The following ZNF507 variants were observed in gnomAD, a reference collection of about 807,000 sequenced individuals.
ZNF507 encodes the protein zinc finger protein 507.
ZNF507 carries 29 observed loss-of-function variants against 80.0 expected under a neutral mutation model. The observed-to-expected ratio is 0.36, with a 90% confidence interval of 0.27 to 0.49. The LOEUF is 0.49. ZNF507 is among the 20% of genes least tolerant of loss of function. The pLI is 0.98. For synonymous variants in ZNF507, 462 were observed against 422.5 expected (o/e 1.09, Z -1.15); for missense variants, 1,081 against 1,152.2 (o/e 0.94, Z 0.90).
intron 5 of ZNF507, among the ~76,000 whole-genome samples, chr19:32,363,412 C>A (rs1967356270): frequency 3.3e-5 from 5 of 152,140 alleles, no homozygotes; most frequent in Admixed American, 2.6e-4. Flanking sequence ...CTGTTCCTTT[C>A]TCGTGCTTTT....
rs774273067 is a variant in ZNF507 at position 32,353,505 on chromosome 19, T to C, written c.675T>C (p.Thr225=). 6 of 1,614,230 alleles carry C rather than the reference T, an allele frequency of 3.7e-6. No individual in the cohort carries two copies. Among genetic ancestry groups the C allele is most frequent in the Admixed American group, 1.7e-5 (1 of 60,032 alleles). The change falls in exon 3 of 7, where the codon ACT becomes ACC. Residue 225 remains threonine (T), a synonymous_variant. Transcript: ENST00000355898. The part of the protein sequence containing the change: ...PVSVDNLQTH[T]VQTASVAEMG... The stretch of plus-strand genomic sequence containing the variant: ...GTGTGGACAATCTACAGACTCATAC[T>C]GTCCAAACTGCATCTGTGGCAGAAA...
intron 5 of ZNF507, among the ~76,000 whole-genome samples, chr19:32,366,678 C>T (rs1418892545): frequency 1.3e-5 from 2 of 152,176 alleles, no homozygotes; most frequent in Non-Finnish European, 2.9e-5. Flanking sequence ...CATTCTTTTA[C>T]ATGTTTTTGG....
chr19:32,354,111 C>A lies in ZNF507; in HGVS notation c.1281C>A (p.Ser427Arg), dbSNP rs1457256672. 3 of 1,613,454 alleles carry A rather than the reference C, an allele frequency of 1.9e-6. No individual in the cohort carries two copies. Among genetic ancestry groups the A allele is most frequent in the Non-Finnish European group, 2.5e-6 (3 of 1,180,022 alleles). The change falls in exon 3 of 7, where the codon AGC (serine) becomes AGA (arginine). Residue 427 changes from serine (S) to arginine (R), a missense_variant. Around this residue, in one of 6 missense-constraint regions of ZNF507, gnomAD observed 614 missense variants for 583.9 expected, o/e 1.05. Transcript: ENST00000355898. ...NTEMEEGKDL[S>R]LTEAQIGREG... is the part of the protein sequence containing the mutation. ...AAATGGAAGAAGGGAAGGACCTGAG[C>A]CTGACAGAAGCTCAGATTGGGCGCG...
At chr19:32,345,805 C>A in intron 1 of ZNF507, 22 bp downstream of exon 1, 1 of 154,128 alleles carries the variant, frequency 6.5e-6, no homozygotes, top group South Asian at 1.9e-4. Context: ...CGGGGCCGCC[C>A]CTCCGCCCGC....
chr19:32,354,697 A>G lies in ZNF507; in HGVS notation c.1867A>G (p.Thr623Ala). 6.2e-7 allele frequency: 1 copy of G among 1,614,222 alleles called. No individual in the cohort carries two copies. The highest frequency in any genetic ancestry group is 8.5e-7 in the Non-Finnish European group (1 of 1,180,026). The change falls in exon 3 of 7, where the codon ACA (threonine) becomes GCA (alanine). Residue 623 changes from threonine to alanine, a missense_variant. By Grantham distance (58) the Thr-to-Ala change is moderately conservative. Transcript: ENST00000355898. ...DNAQCQPNSD[T>A]SLSGNNVVEY... ...CGCCCAGTGCCAACCCAACAGCGAT[A>G]CAAGTTTGTCCGGAAACAATGTGGT... is the stretch of plus-strand genomic sequence containing the variant.
chr19:32,350,707 G>T (rs895187717), intron 2 of ZNF507, among the ~76,000 whole-genome samples: 46 of 152,184 alleles, frequency 3.0e-4, no homozygotes, highest in Non-Finnish European at 6.2e-4. Context: ...CAGATGATCA[G>T]TCAGCCTACA....
chr19:32,382,911 C>T lies in ZNF507; in HGVS notation c.2690C>T (p.Ser897Phe), dbSNP rs144208852. Reference sequence around the variant, plus strand: ...ACCTCATATAGTTTAGAAAAAATCTCCAGTCTGGCCCCTCCTAGCATGGAG... The same window carrying T: ...ACCTCATATAGTTTAGAAAAAATCTTCAGTCTGGCCCCTCCTAGCATGGAG... ...SNTSYSLEKISSLAPPSMEYC... is the reference protein window; with the variant it reads ...SNTSYSLEKIFSLAPPSMEYC... Residue 897 changes from serine to phenylalanine, a missense_variant, in exon 7 of 7, where the codon TCC becomes TTC. Coordinates refer to ENST00000355898, the MANE Select transcript of ZNF507 (RefSeq NM_001136156.2). 6 of 1,613,976 alleles carry T rather than the reference C, an allele frequency of 3.7e-6. No homozygotes were observed. The highest frequency in any genetic ancestry group is 5.1e-6 in the Non-Finnish European group (6 of 1,180,024).
At chr19:32,364,320 CT>C (rs539979349) in intron 5 of ZNF507, among the ~76,000 whole-genome samples, 68 of 151,566 alleles carry the variant, frequency 4.5e-4, no homozygotes, top group Admixed American at 2.0e-3. Flanking sequence ...CCTGACATTT[CT>C]TTTTTTTTCT....
Position 32,386,409 on chromosome 19 carries a change from T to G in ZNF507, c.*3326T>G, listed in dbSNP as rs746868945. 3 of 152,626 alleles carry G rather than the reference T, an allele frequency of 2.0e-5. No individual in the cohort carries two copies. Among genetic ancestry groups the G allele is most frequent in the Non-Finnish European group, 2.9e-5 (2 of 68,046 alleles). The allele number at this position is 152,626 out of a possible 1,614,324, so 9.5% of individuals were successfully genotyped here. On this transcript the variant is annotated 3_prime_UTR_variant, in exon 7 of 7. Transcript: ENST00000355898. ...AATCTTTTTAAATTGTACAGCAAGGTGCTCTAAGTAATATTCGATAAAATA... is the reference window on the plus strand; with the variant it reads ...AATCTTTTTAAATTGTACAGCAAGGGGCTCTAAGTAATATTCGATAAAATA...
chr19:32,367,362 T>C (rs1260438857), intron 5 of ZNF507, among the ~76,000 whole-genome samples: 1 of 152,170 alleles, frequency 6.6e-6, no homozygotes, highest in African/African-American at 2.4e-5. Flanking sequence ...AAAGGACAAA[T>C]ATCCAAACTG....
Position 32,354,315 on chromosome 19 carries a change from A to G in ZNF507, c.1485A>G (p.Leu495=), listed in dbSNP as rs1230503938. The stretch of plus-strand genomic sequence containing the variant: ...CTGAGTCTCTTCGATTACACTCATT[A>G]GCTGCAGAAGCCCTTGTCACAATGC... ...TNSESLRLHS[L]AAEALVTMPI... is the part of the protein sequence containing the mutation. Residue 495 remains leucine (L), a synonymous_variant, in exon 3 of 7, where the codon TTA becomes TTG. Coordinates refer to ENST00000355898, the MANE Select transcript of ZNF507 (RefSeq NM_001136156.2). 1 of 1,614,178 alleles carries G rather than the reference A, an allele frequency of 6.2e-7. No individual in the cohort carries two copies. Among genetic ancestry groups the G allele is most frequent in the Non-Finnish European group, 8.5e-7 (1 of 1,180,034 alleles).
At chr19:32,380,771 C>T (rs1967612952) in intron 5 of ZNF507, among the ~76,000 whole-genome samples, 2 of 152,188 alleles carry the variant, frequency 1.3e-5, no homozygotes, top group Admixed American at 6.5e-5. Context: ...ATGATGACAA[C>T]TTTTATCCTT....
At chr19:32,346,486 T>A (rs866102888) in intron 1 of ZNF507, among the ~76,000 whole-genome samples, 2 of 152,346 alleles carry the variant, frequency 1.3e-5, no homozygotes, top group African/African-American at 2.4e-5. Context: ...TTACTGGATT[T>A]ATCACCTCTT....
At position 32,345,729 on chromosome 19, in the gene ZNF507, GGT is replaced by G. The variant is rs2145307709; in HGVS notation, c.-150_-149del. 6.5e-6 allele frequency: 1 copy of G among 152,852 alleles called. No homozygotes were observed. Among genetic ancestry groups the G allele is most frequent in the African/African-American group, 2.4e-5 (1 of 41,586 alleles). The allele number at this position is 152,852 out of a possible 1,614,324, so 9.5% of individuals were successfully genotyped here. A position where few individuals can be genotyped will look rare whatever the true frequency, so the allele number is the denominator to read the frequency against. ...AAGGACGAGGGCGAGGGCACGGCCG[GGT>G]CCTGGCTGGCCAAACGAGGCTCGCG... On this transcript the variant is annotated 5_prime_UTR_variant, in exon 1 of 7. It removes the in-frame stop codon of an upstream open reading frame in the 5' UTR. Coordinates refer to ENST00000355898, the MANE Select transcript of ZNF507 (RefSeq NM_001136156.2).
intron 2 of ZNF507, among the ~76,000 whole-genome samples, chr19:32,348,915 G>C (rs1447178180): frequency 6.6e-6 from 1 of 152,124 alleles, no homozygotes; most frequent in South Asian, 2.1e-4. Flanking sequence ...GTGTCAACTT[G>C]TATCAGCAGT....
chr19:32,366,269 A>G (rs1967397282), intron 5 of ZNF507, among the ~76,000 whole-genome samples: 1 of 152,230 alleles, frequency 6.6e-6, no homozygotes, highest in Non-Finnish European at 1.5e-5. Flanking sequence ...TAAATCATAA[A>G]GGTACAGCTG....
chr19:32,354,446 C>T lies in ZNF507; in HGVS notation c.1616C>T (p.Ala539Val), dbSNP rs746093398. 14 of 1,613,922 alleles carry T rather than the reference C, an allele frequency of 8.7e-6. No individual in the cohort carries two copies. The highest frequency in any genetic ancestry group is 3.3e-5 in the South Asian group (3 of 91,088). Reference protein sequence around the residue: ...SQRQVDSTLAAYSKMMSPLKN... With the variant: ...SQRQVDSTLAVYSKMMSPLKN... ...AGGCAAGTAGATAGTACATTGGCAG[C>T]GTACTCAAAAATGATGTCGCCACTT... Residue 539 changes from alanine (A) to valine (V), a missense_variant, in exon 3 of 7, where the codon GCG (alanine) becomes GTG (valine). Ala to Val is a moderately conservative substitution (Grantham distance 64). Around this residue, in one of 6 missense-constraint regions of ZNF507, gnomAD observed 614 missense variants for 583.9 expected, o/e 1.05. Transcript: ENST00000355898.
In ZNF507 at chr19:32,386,008, A is replaced by T. The variant is rs1020893112; in HGVS notation, c.*2925A>T. 6.6e-6 allele frequency: 1 copy of T among 152,248 alleles called. No homozygotes were observed. The highest frequency in any genetic ancestry group is 6.5e-5 in the Admixed American group (1 of 15,290). The allele number at this position is 152,248 out of a possible 1,614,324, so 9.4% of individuals were successfully genotyped here. A position where few individuals can be genotyped will look rare whatever the true frequency, so the allele number is the denominator to read the frequency against. On this transcript the variant is annotated 3_prime_UTR_variant, in exon 7 of 7. Transcript: ENST00000355898. ...ATATGGCAAAGGTGGGGAGGGGGGA[A>T]GATGATGCATTCTGATCATTATAAA...
chr19:32,367,247 A>C (rs1316243730), intron 5 of ZNF507, among the ~76,000 whole-genome samples: 2 of 152,142 alleles, frequency 1.3e-5, no homozygotes, highest in East Asian at 3.9e-4. Flanking sequence ...ATTATTCATG[A>C]ATGGCTACAC....
Sources: allele counts gnomAD v4.1 joint callset (sites outside exome capture counted in the v4.1 genomes callset), GRCh38; gene constraint gnomAD v4.1.1; regional missense constraint gnomAD v4.1.1; transcripts MANE v1.5; gene names NCBI Gene and HGNC (gene_info 2026-07-23, HGNC 2026-07-21).